The following PTPRO variants were observed in gnomAD, a reference collection of about 807,000 sequenced individuals.
PTPRO encodes the protein receptor-type tyrosine-protein phosphatase O.
PTPRO carries 62 observed loss-of-function variants against 145.2 expected under a neutral mutation model. The observed-to-expected ratio is 0.43, with a 90% CI of 0.35 to 0.53. PTPRO has a LOEUF of 0.53. PTPRO is among the 20% of genes least tolerant of loss of function. The pLI is 0.01. For missense variants in PTPRO, 1,345 were observed against 1,482.7 expected (o/e 0.91, Z 1.53); for synonymous variants, 565 against 514.7 (o/e 1.10, Z -1.32).
intron 1 of PTPRO, among the ~76,000 whole-genome samples, chr12:15,461,684 C>T (rs1160717113): frequency 6.6e-6 from 1 of 151,142 alleles, no homozygotes; most frequent in Non-Finnish European, 1.5e-5. Flanking sequence ...TCTCCTGCCT[C>T]AGCCTCCTGA....
intron 14 of PTPRO, among the ~76,000 whole-genome samples, chr12:15,550,328 C>A (rs558430320): frequency 1.3e-5 from 2 of 152,274 alleles, no homozygotes; most frequent in East Asian, 3.9e-4. Context: ...TCATAAAGAT[C>A]TTCCTCATGG....
At position 15,472,655 on chromosome 12, in the gene PTPRO, G is replaced by A. The variant is rs376345084; in HGVS notation, c.76-11319G>A. ...AGGGCTTTCTTGTCTACATGTCCGT[G>A]GCACTGAACAGTTCTCTTGTATTGG... On this transcript the variant is annotated intron_variant, in intron 1 of 26. Coordinates refer to ENST00000281171, the MANE Select transcript of PTPRO (RefSeq NM_030667.3). Among the ~76,000 whole-genome samples the A allele has an allele frequency of 3.9e-4, 60 of 152,282 alleles. 1 individual carries two copies. In the South Asian group the frequency reaches 0.011, roughly 28 times the overall value.
chr12:15,328,968 T>A (rs1414795168), intron 1 of PTPRO, among the ~76,000 whole-genome samples: 1 of 152,198 alleles, frequency 6.6e-6, no homozygotes, highest in East Asian at 1.9e-4. Flanking sequence ...GTAATCTATA[T>A]GAGATTTAAA....
chr12:15,397,943 A>G (rs560600740), intron 1 of PTPRO, among the ~76,000 whole-genome samples: 1 of 152,286 alleles, frequency 6.6e-6, no homozygotes, highest in Admixed American at 6.5e-5. Flanking sequence ...ACCCATCTAC[A>G]AACCACCCCA....
chr12:15,457,029 T>C (rs1565640800), intron 1 of PTPRO, among the ~76,000 whole-genome samples: 1 of 152,332 alleles, frequency 6.6e-6, no homozygotes, highest in South Asian at 2.1e-4. Context: ...TTTTTCTGGT[T>C]CTTTGGGGTG....
At chr12:15,478,232 T>A (rs1157840616) in intron 1 of PTPRO, among the ~76,000 whole-genome samples, 1 of 152,266 alleles carries the variant, frequency 6.6e-6, no homozygotes, top group East Asian at 1.9e-4. Flanking sequence ...CACCAGCCAA[T>A]AGGTTTTAAC....
Position 15,508,663 on chromosome 12 carries a change from A to T in PTPRO, c.1360A>T (p.Thr454Ser). ...LSSTTALMSWTSSQENYNSTI... is the reference protein window; with the variant it reads ...LSSTTALMSWSSSQENYNSTI... Reference sequence around the variant, plus strand: ...CTCAACCACTGCCTTGATGTCCTGGACATCTTCCCAAGAGAACTACAACAG... The same window carrying T: ...CTCAACCACTGCCTTGATGTCCTGGTCATCTTCCCAAGAGAACTACAACAG... Residue 454 changes from threonine to serine, a missense_variant, in exon 7 of 27, where the codon ACA becomes TCA. Physicochemically the swap from Thr to Ser is moderately conservative, Grantham distance 58. Coordinates refer to ENST00000281171, the MANE Select transcript of PTPRO (RefSeq NM_030667.3). 6.2e-7 allele frequency: 1 copy of T among 1,614,070 alleles called. No homozygotes were observed. Among genetic ancestry groups the T allele is most frequent in the East Asian group, 2.2e-5 (1 of 44,862 alleles).
intron 1 of PTPRO, among the ~76,000 whole-genome samples, chr12:15,347,242 T>C (rs11056438): frequency 0.23 from 35,565 of 152,060 alleles, 4,494 homozygotes; most frequent in Non-Finnish European, 0.3. Context: ...AGACACAACT[T>C]AAAACAGTTT....
At chr12:15,590,476 G>A (rs1277845263) in intron 25 of PTPRO, among the ~76,000 whole-genome samples, 1 of 152,110 alleles carries the variant, frequency 6.6e-6, no homozygotes, top group Non-Finnish European at 1.5e-5. Flanking sequence ...CTGTAATCAG[G>A]GTATTTTTAA....
At chr12:15,497,438 C>T (rs759737379) in intron 3 of PTPRO, 35 bp downstream of exon 3, 5 of 1,602,402 alleles carry the variant, frequency 3.1e-6, no homozygotes, top group African/African-American at 1.3e-5. Context: ...TCAATGATGA[C>T]CCTCACTTTT....
At chr12:15,558,992 T>A (rs1943708601) in intron 16 of PTPRO, among the ~76,000 whole-genome samples, 1 of 152,182 alleles carries the variant, frequency 6.6e-6, no homozygotes, top group Non-Finnish European at 1.5e-5. Context: ...TCAAATATAT[T>A]AGCACTCTTT....
At chr12:15,462,328 G>A (rs185515788) in intron 1 of PTPRO, among the ~76,000 whole-genome samples, 6 of 152,036 alleles carry the variant, frequency 3.9e-5, no homozygotes, top group African/African-American at 1.2e-4. Context: ...GTTTCACCAC[G>A]TTGGCCAGGC....
chr12:15,372,868 A>G (rs1392720431), intron 1 of PTPRO, among the ~76,000 whole-genome samples: 1 of 152,168 alleles, frequency 6.6e-6, no homozygotes, highest in African/African-American at 2.4e-5. Context: ...TCCATAATTT[A>G]TGTAGGCAAT....
At chr12:15,395,809 TCACA>T (rs34553766) in intron 1 of PTPRO, among the ~76,000 whole-genome samples, 16,826 of 147,854 alleles carry the variant, frequency 0.11, 1,062 homozygotes, top group African/African-American at 0.18. Context: ...CAATTAAAGA[TCACA>T]CACACACACA....
At chr12:15,579,023 A>G (rs998049231) in intron 20 of PTPRO, 80 bp downstream of exon 20, 2 of 1,258,318 alleles carry the variant, frequency 1.6e-6, no homozygotes, top group Non-Finnish European at 2.3e-6. Flanking sequence ...AATTTCACCA[A>G]TCTCTGGCCA....
intron 1 of PTPRO, among the ~76,000 whole-genome samples, chr12:15,435,126 T>C (rs546033906): frequency 6.6e-6 from 1 of 152,154 alleles, no homozygotes; most frequent in Non-Finnish European, 1.5e-5. Context: ...ATGAAGCATC[T>C]CTCATATTCA....
At chr12:15,495,759 T>G (rs905582156) in intron 2 of PTPRO, among the ~76,000 whole-genome samples, 1 of 152,174 alleles carries the variant, frequency 6.6e-6, no homozygotes, top group Non-Finnish European at 1.5e-5. Context: ...AAAAAAATTA[T>G]TCATATAAGG....
chr12:15,415,039 C>T (rs1198183202), intron 1 of PTPRO, among the ~76,000 whole-genome samples: 1 of 152,138 alleles, frequency 6.6e-6, no homozygotes, highest in African/African-American at 2.4e-5. Flanking sequence ...GTATTTCATG[C>T]ATGGGACGTT....
chr12:15,535,120 G>A (rs762681999), intron 12 of PTPRO, among the ~76,000 whole-genome samples: 1 of 152,160 alleles, frequency 6.6e-6, no homozygotes, highest in Non-Finnish European at 1.5e-5. Context: ...GAGATGACTA[G>A]TAAAACTACA....
Sources: gnomAD v4.1 joint callset for allele counts (sites outside exome capture counted in the v4.1 genomes callset) on GRCh38, gnomAD v4.1.1 for gene constraint, MANE v1.5 for transcripts, NCBI Gene and HGNC (gene_info 2026-07-23, HGNC 2026-07-21) for gene names.